Variants in DCP1A observed in about 807,000 individuals in gnomAD.
DCP1A encodes decapping mRNA 1A.
Under a neutral mutation model 58.0 loss-of-function variants are expected in DCP1A, and 20 were observed. The ratio of observed to expected loss-of-function variants is 0.34; its 90% CI spans 0.24 to 0.50. The LOEUF is 0.50. DCP1A is among the 20% of genes least tolerant of loss of function. The probability of loss-of-function intolerance (pLI) is 0.98; values close to 1 mark genes in which losing one functional copy is unlikely to be tolerated. For synonymous variants in DCP1A, 285 were observed against 275.1 expected (o/e 1.04, Z -0.36); for missense variants, 613 against 712.2 (o/e 0.86, Z 1.59).
intron 3 of DCP1A, among the ~76,000 whole-genome samples, chr3:53,340,430 A>G (rs1440236131): frequency 6.6e-6 from 1 of 152,208 alleles, no homozygotes; most frequent in Non-Finnish European, 1.5e-5. Context: ...TATTTCACTT[A>G]TACTTCAAAG....
chr3:53,334,339 A>G (rs575552868), intron 3 of DCP1A, among the ~76,000 whole-genome samples: 1 of 152,334 alleles, frequency 6.6e-6, no homozygotes, highest in South Asian at 2.1e-4. Context: ...ATGTTTATCC[A>G]ATCTGAGTCT....
At chr3:53,330,717 G>T (rs1553691172) in intron 3 of DCP1A, among the ~76,000 whole-genome samples, 1 of 151,802 alleles carries the variant, frequency 6.6e-6, no homozygotes, top group African/African-American at 2.4e-5. Flanking sequence ...CTGGTAAAGT[G>T]CTTGGCAAAT....
chr3:53,323,585 C>T (rs556045738), intron 3 of DCP1A, among the ~76,000 whole-genome samples: 17 of 152,148 alleles, frequency 1.1e-4, no homozygotes, highest in African/African-American at 3.4e-4. Context: ...TTATGATATG[C>T]GGCCGGGTGC....
chr3:53,293,917 C>A lies in DCP1A; in HGVS notation c.625-1090G>T, dbSNP rs548645085. On this transcript the variant is annotated intron_variant, in intron 6 of 9. Coordinates refer to ENST00000610213, the MANE Select transcript of DCP1A (RefSeq NM_018403.7). ...AGAGGCCAGGACAACTGGTAAGGGC[C>A]CCCCCACCGGACCCCCGCACACACA... is the stretch of plus-strand genomic sequence containing the variant. 1.6e-4 allele frequency among the ~76,000 whole-genome samples: 25 copies of A among 152,092 alleles called. No individual in the cohort carries two copies. In the South Asian group the frequency reaches 5.2e-3, roughly 32 times the overall value.
chr3:53,318,259 T>C (rs1707868823), intron 4 of DCP1A, among the ~76,000 whole-genome samples: 1 of 152,062 alleles, frequency 6.6e-6, no homozygotes, highest in Admixed American at 6.6e-5. Flanking sequence ...GAGCTGTGAC[T>C]GCGCCACTGC....
intron 3 of DCP1A, among the ~76,000 whole-genome samples, chr3:53,323,861 C>CAAAAAAA (rs11451581): frequency 1.4e-5 from 1 of 72,798 alleles, no homozygotes. Flanking sequence ...GACTCTGTCT[C>CAAAAAAA]AAAAAAAAAA....
At chr3:53,293,235 T>C (rs1179267128) in intron 6 of DCP1A, among the ~76,000 whole-genome samples, 5 of 152,312 alleles carry the variant, frequency 3.3e-5, no homozygotes, top group Admixed American at 3.3e-4. Context: ...GCACTGGACC[T>C]CAGAGACTGG....
chr3:53,345,030 G>A, intron 1 of DCP1A, 88 bp from the exon 2 acceptor site: 2 of 999,336 alleles, frequency 2.0e-6, no homozygotes, highest in African/African-American at 1.6e-5. Flanking sequence ...TCACGTTTAA[G>A]ATCAACTTGT....
In DCP1A at chr3:53,314,612, G is replaced by A. The variant is rs138195964; in HGVS notation, c.372-2233C>T. Among the ~76,000 whole-genome samples the A allele has an allele frequency of 4.3e-3, 642 of 150,834 alleles. 4 individuals are homozygous for A. The highest frequency in any genetic ancestry group is 0.015 in the African/African-American group (600 of 41,066). The stretch of plus-strand genomic sequence containing the variant: ...TTAACTCTTCCCTGACCCAGACTAG[G>A]ATCTGTGATTCTGTGATTATTTTGG... On this transcript the variant is annotated intron_variant, in intron 4 of 9. Transcript: ENST00000610213.
At chr3:53,312,510 T>TTTTTC in intron 4 of DCP1A, 131 bp from the exon 5 acceptor site, 1 of 954,012 alleles carries the variant, frequency 1.0e-6, no homozygotes, top group Non-Finnish European at 1.5e-6. Context: ...TTTTTTTTTT[T>TTTTTC]TTTGAGATGG....
intron 3 of DCP1A, among the ~76,000 whole-genome samples, chr3:53,328,073 T>C (rs12496449): frequency 0.023 from 3,494 of 152,000 alleles, 146 homozygotes; most frequent in South Asian, 0.15. Flanking sequence ...TGAGCCGAGA[T>C]TGCGCCACTG....
intron 5 of DCP1A, among the ~76,000 whole-genome samples, chr3:53,307,168 T>G (rs1005813827): frequency 3.3e-5 from 5 of 152,016 alleles, no homozygotes; most frequent in Non-Finnish European, 5.9e-5. Flanking sequence ...AGGCTGGTCT[T>G]GAACTCCTGA....
In DCP1A at chr3:53,292,566, G is replaced by C. The variant is rs1474540306; in HGVS notation, c.886C>G (p.Pro296Ala). ...TCATTGGACTGTGTGATGGAGGCTG[G>C]AGTGATTAGCACCGGGGTGGTGATT... ...PEITTPVLIT[P>A]ASITQSNEKH... The change falls in exon 7 of 10, where the codon CCA (proline) becomes GCA (alanine). Residue 296 changes from proline to alanine, a missense_variant. This residue lies in a region of DCP1A where 498 missense variants were observed against 556.7 expected (regional missense o/e 0.89). Transcript: ENST00000610213. The C allele has an allele frequency of 3.1e-6, 5 of 1,613,890 alleles. No individual in the cohort carries two copies. The highest frequency in any genetic ancestry group is 4.2e-6 in the Non-Finnish European group (5 of 1,179,904).
chr3:53,302,261 C>A (rs990277099), intron 6 of DCP1A, among the ~76,000 whole-genome samples: 1 of 152,158 alleles, frequency 6.6e-6, no homozygotes, highest in Admixed American at 6.5e-5. Flanking sequence ...TTATTTCTTA[C>A]AACTGCATAT....
intron 1 of DCP1A, 98 bp downstream of exon 1, chr3:53,347,285 G>C (rs782304181): frequency 4.5e-5 from 61 of 1,353,940 alleles, no homozygotes; most frequent in East Asian, 5.8e-5. Context: ...CACCGCCCTG[G>C]CCTCTTAGTG....
At chr3:53,288,337 C>G in intron 8 of DCP1A, 54 bp from the exon 9 acceptor site, 1 of 1,419,782 alleles carries the variant, frequency 7.0e-7, no homozygotes, top group Non-Finnish European at 9.7e-7. Flanking sequence ...AGTAGCCAGG[C>G]CCAGAATAGG....
At chr3:53,293,151 T>G (rs368134235) in intron 6 of DCP1A, among the ~76,000 whole-genome samples, 1 of 152,082 alleles carries the variant, frequency 6.6e-6, no homozygotes, top group African/African-American at 2.4e-5. Flanking sequence ...GAAATGACAC[T>G]AGAGGAGACA....
At chr3:53,301,576 C>A (rs1707314638) in intron 6 of DCP1A, among the ~76,000 whole-genome samples, 1 of 152,094 alleles carries the variant, frequency 6.6e-6, no homozygotes. Context: ...ACCAAATGAC[C>A]TGACATTTGC....
At chr3:53,318,041 C>A (rs1388584536) in intron 4 of DCP1A, among the ~76,000 whole-genome samples, 1 of 152,204 alleles carries the variant, frequency 6.6e-6, no homozygotes, top group African/African-American at 2.4e-5. Context: ...TGGTGGCTCA[C>A]GCCTATAATC....
Sources: allele counts gnomAD v4.1 joint callset (sites outside exome capture counted in the v4.1 genomes callset), GRCh38; gene constraint gnomAD v4.1.1; regional missense constraint gnomAD v4.1.1; transcripts MANE v1.5; gene names NCBI Gene and HGNC (gene_info 2026-07-23, HGNC 2026-07-21).